The following CEP170B variants were observed in gnomAD, a reference collection of about 807,000 sequenced individuals.
CEP170B encodes centrosomal protein 170B.
CEP170B carries 55 observed loss-of-function variants against 120.6 expected under a neutral mutation model. The ratio of observed to expected loss-of-function variants is 0.46; its 90% CI spans 0.37 to 0.57. CEP170B has a LOEUF of 0.57. CEP170B is among the 20% of genes least tolerant of loss of function. The probability of loss-of-function intolerance (pLI) is 0.00; values close to 1 mark genes in which losing one functional copy is unlikely to be tolerated. For missense variants in CEP170B, 2,212 were observed against 2,253.3 expected (o/e 0.98, Z 0.37); for synonymous variants, 1,033 against 954.5 (o/e 1.08, Z -1.52).
At chr14:104,864,840 G>A (rs1895105837), upstream of CEP170B, among the ~76,000 whole-genome samples, 1 of 152,214 alleles carries the variant, frequency 6.6e-6, no homozygotes, top group African/African-American at 2.4e-5. This position sits in a 1 kb window ranked among gnomAD's most constrained non-coding sequence, Gnocchi z 5.9. Context: ...TCGAGGCGCG[G>A]CTGGAGCCTA....
At position 104,865,386 on chromosome 14, in the gene CEP170B, C is replaced by T. The variant is rs1322013689; in HGVS notation, c.-155C>T. On this transcript the variant is annotated 5_prime_UTR_variant, in exon 1 of 19. Coordinates refer to ENST00000414716, the MANE Select transcript of CEP170B (RefSeq NM_001112726.3). This position sits in a 1 kb window ranked among gnomAD's most constrained non-coding sequence, Gnocchi z 6.7. ...TCCTAGGCGGCGGCCCCGCCCAGCG[C>T]TCGGCCGGGCGGGCGGGCGGGCGCG... 1.4e-5 allele frequency: 2 copies of T among 142,354 alleles called. No homozygotes were observed. The highest frequency in any genetic ancestry group is 5.5e-5 in the African/African-American group (2 of 36,412). 8.8% of individuals were successfully genotyped at this position (142,354 alleles called of 1,614,324 possible). A position where few individuals can be genotyped will look rare whatever the true frequency, so the allele number is the denominator to read the frequency against.
chr14:104,869,821 G>A (rs1895381960), intron 2 of CEP170B, among the ~76,000 whole-genome samples: 1 of 152,080 alleles, frequency 6.6e-6, no homozygotes, highest in Admixed American at 6.5e-5. Flanking sequence ...TAGATCTCGG[G>A]CTTCCAGCCT....
Position 104,883,392 on chromosome 14 carries a change from C to A in CEP170B, c.935C>A (p.Thr312Asn). 1 of 1,598,386 alleles carries A rather than the reference C, an allele frequency of 6.3e-7. No individual in the cohort carries two copies. Among genetic ancestry groups the A allele is most frequent in the South Asian group, 1.1e-5 (1 of 88,548 alleles). Residue 312 changes from threonine to asparagine, a missense_variant, in exon 8 of 19, where the codon ACC becomes AAC. Physicochemically the swap from Thr to Asn is moderately conservative, Grantham distance 65. This residue lies in a region of CEP170B where 2,166 missense variants were observed against 2,166.7 expected (regional missense o/e 1.00). Coordinates refer to ENST00000414716, the MANE Select transcript of CEP170B (RefSeq NM_001112726.3). ...CCTGGCGAGATGGTGTCGGCTGAGACCAAGGTGGCCGACTGGCTGGTGCAG... is the reference window on the plus strand; with the variant it reads ...CCTGGCGAGATGGTGTCGGCTGAGAACAAGGTGGCCGACTGGCTGGTGCAG... ...ATPGEMVSAETKVADWLVQND... is the reference protein window; with the variant it reads ...ATPGEMVSAENKVADWLVQND...
Position 104,886,809 on chromosome 14 carries a change from A to C in CEP170B, c.2570A>C (p.Asp857Ala), listed in dbSNP as rs1276575550. Residue 857 changes from aspartate to alanine, a missense_variant, in exon 12 of 19, where the codon GAC becomes GCC. Around this residue, in one of 2 missense-constraint regions of CEP170B, gnomAD observed 2,166 missense variants for 2,166.7 expected, o/e 1.00. Transcript: ENST00000414716. ...QLRPGRSPEP[D>A]GPAPAFLRQE... ...CGGCCTGGACGGTCCCCAGAACCCG[A>C]CGGCCCTGCCCCAGCCTTTCTCCGG... is the stretch of plus-strand genomic sequence containing the variant. 6.2e-7 allele frequency: 1 copy of C among 1,611,276 alleles called. No homozygotes were observed. Among genetic ancestry groups the C allele is most frequent in the Non-Finnish European group, 8.5e-7 (1 of 1,179,818 alleles).
chr14:104,878,238 C>T (rs1895965244), intron 4 of CEP170B, among the ~76,000 whole-genome samples: 1 of 152,100 alleles, frequency 6.6e-6, no homozygotes, highest in South Asian at 2.1e-4. Context: ...GAACTGGTGA[C>T]CACTCCCTAG....
At chr14:104,885,902 C>T (rs1482011803) in intron 10 of CEP170B, 138 bp from the exon 11 acceptor site, 9 of 796,136 alleles carry the variant, frequency 1.1e-5, no homozygotes, top group Non-Finnish European at 1.5e-5. Context: ...GGCACGCTTG[C>T]TCATGCGGCA....
In CEP170B at chr14:104,869,238, G is replaced by A. The variant is rs528367670; in HGVS notation, c.105+683G>A. Among the ~76,000 whole-genome samples the A allele has an allele frequency of 1.1e-4, 16 of 152,288 alleles. No individual in the cohort carries two copies. The South Asian group carries it at 2.3e-3, about 22-fold the overall frequency. On this transcript the variant is annotated intron_variant, in intron 2 of 18. Transcript: ENST00000414716. ...TGGCCTGATGTCCTTCCTCTACCCC[G>A]TGTGCCTGTGAACGAGTTGGGCTCC...
rs907423492 is a variant in CEP170B, at chr14:104,865,885, G to A, written c.-28+372G>A. Among the ~76,000 whole-genome samples, 4 of 151,992 alleles carry A rather than the reference G, an allele frequency of 2.6e-5. No individual in the cohort carries two copies. Among genetic ancestry groups the A allele is most frequent in the African/African-American group, 9.7e-5 (4 of 41,394 alleles). ...TCCTGGCCTGGTCTCTCCTCCCGCG[G>A]TCCCTCCCTCCGTCTTCCTCCTCCT... On this transcript the variant is annotated intron_variant, in intron 1 of 18. Transcript: ENST00000414716. This position sits in a 1 kb window ranked among gnomAD's most constrained non-coding sequence, Gnocchi z 6.7.
In CEP170B at chr14:104,878,572, G is replaced by A. The variant is rs372967151; in HGVS notation, c.333+71G>A. 17 of 1,514,592 alleles carry A rather than the reference G, an allele frequency of 1.1e-5. No homozygotes were observed. In the East Asian group the frequency reaches 2.7e-4, roughly 24 times the overall value. The allele number at this position is 1,514,592 out of a possible 1,614,324, so 93.8% of individuals were successfully genotyped here. ...CCCCCATCCTCCCCACCATGCTCCC[G>A]CTGCCATCTCCCCAGCAAACACTCA... On this transcript the variant is annotated intron_variant, in intron 5 of 18. Transcript: ENST00000414716.
chr14:104,871,941 C>T (rs1314898612), intron 2 of CEP170B, among the ~76,000 whole-genome samples: 1 of 152,238 alleles, frequency 6.6e-6, no homozygotes, highest in South Asian at 2.1e-4. Context: ...ACGGACCACG[C>T]TGTCCAGGGC....
upstream of CEP170B, among the ~76,000 whole-genome samples, chr14:104,865,063 G>A (rs1387671775): frequency 6.6e-6 from 1 of 151,338 alleles, no homozygotes; most frequent in Non-Finnish European, 1.5e-5. This position sits in a 1 kb window ranked among gnomAD's most constrained non-coding sequence, Gnocchi z 6.7. Context: ...GTGGGCCTGG[G>A]GCAGGGGCGG....
In CEP170B at chr14:104,883,591, G is replaced by A; in HGVS notation, c.1051+83G>A. 4 of 1,373,088 alleles carry A rather than the reference G, an allele frequency of 2.9e-6. No homozygotes were observed. The South Asian group carries it at 5.9e-5, about 20-fold the overall frequency. 85.1% of individuals were successfully genotyped at this position (1,373,088 alleles called of 1,614,324 possible). ...GCTGGGTCTGCACTGTTGCCATGCAGAGGGGCCCATTCAGCTGGGTTGACT... is the reference window on the plus strand; with the variant it reads ...GCTGGGTCTGCACTGTTGCCATGCAAAGGGGCCCATTCAGCTGGGTTGACT... On this transcript the variant is annotated intron_variant, in intron 8 of 18. Coordinates refer to ENST00000414716, the MANE Select transcript of CEP170B (RefSeq NM_001112726.3).
intron 6 of CEP170B, among the ~76,000 whole-genome samples, chr14:104,880,987 G>A (rs1896124162): frequency 1.3e-5 from 2 of 152,200 alleles, no homozygotes; most frequent in Non-Finnish European, 1.5e-5. Context: ...CACAGTTCTT[G>A]TGGGGTTGGT....
rs1896323125 is a variant in CEP170B at position 104,884,201 on chromosome 14, A to G, written c.1422A>G (p.Glu474=). ...AGSLKREKTE[E]RLGSPSPASR... ...CGCTCAAGCGGGAGAAGACAGAGGA[A>G]CGGCTGGGCAGCCCCTCGCCCGCCT... is the stretch of plus-strand genomic sequence containing the variant. Residue 474 remains glutamate, a synonymous_variant, in exon 9 of 19, where the codon GAA becomes GAG. Transcript: ENST00000414716. 6.5e-7 allele frequency: 1 copy of G among 1,544,198 alleles called. No individual in the cohort carries two copies. The highest frequency in any genetic ancestry group is 8.7e-7 in the Non-Finnish European group (1 of 1,147,570).
At chr14:104,890,442 ATGGG>A (rs1334236423) in intron 13 of CEP170B, among the ~76,000 whole-genome samples, 1 of 111,942 alleles carries the variant, frequency 8.9e-6, no homozygotes, top group Non-Finnish European at 1.8e-5. Context: ...GAGTGGGTGG[ATGGG>A]TGAGTGGGTG....
Position 104,884,402 on chromosome 14 carries a change from G to GC in CEP170B, c.1623_1624insC (p.Thr542HisfsTer25). 7.3e-7 allele frequency: 1 copy of GC among 1,375,806 alleles called. No homozygotes were observed. The highest frequency in any genetic ancestry group is 9.9e-7 in the Non-Finnish European group (1 of 1,014,912). The allele number at this position is 1,375,806 out of a possible 1,614,324, so 85.2% of individuals were successfully genotyped here. A position where few individuals can be genotyped will look rare whatever the true frequency, so the allele number is the denominator to read the frequency against. On this transcript the variant is annotated frameshift_variant, in exon 9 of 19. Coordinates refer to ENST00000414716, the MANE Select transcript of CEP170B (RefSeq NM_001112726.3). LOFTEE classifies it high-confidence loss of function. ...ATGGGACCAGCCCCGTGGGCCCCCC[G>GC]ACCCCACCGCCCGCCCCCACGGACC...
intron 1 of CEP170B, among the ~76,000 whole-genome samples, chr14:104,866,432 G>T (rs1415101734): frequency 6.6e-6 from 1 of 152,124 alleles, no homozygotes; most frequent in African/African-American, 2.4e-5. Context: ...CCTAGGGAGG[G>T]TGGGGCTGTA....
intron 1 of CEP170B, among the ~76,000 whole-genome samples, chr14:104,866,544 C>T (rs1895217597): frequency 6.6e-6 from 1 of 151,864 alleles, no homozygotes; most frequent in Non-Finnish European, 1.5e-5. Context: ...GGGTGCGTGG[C>T]TTAGGAAGGG....
chr14:104,866,692 C>G (rs767306788), intron 1 of CEP170B, among the ~76,000 whole-genome samples: 13 of 152,198 alleles, frequency 8.5e-5, no homozygotes, highest in Admixed American at 5.2e-4. Context: ...TTCATGCTAG[C>G]TGGAGCTGGG....
Sources: allele counts gnomAD v4.1 joint callset (sites outside exome capture counted in the v4.1 genomes callset), GRCh38; gene constraint gnomAD v4.1.1; regional missense constraint gnomAD v4.1.1; non-coding constraint Gnocchi (gnomAD v3.1); transcripts MANE v1.5; gene names NCBI Gene and HGNC (gene_info 2026-07-23, HGNC 2026-07-21).